Variants in TXNL1 observed in about 807,000 individuals in gnomAD.
TXNL1 encodes thioredoxin like 1.
TXNL1 carries 14 observed loss-of-function variants against 35.5 expected under a neutral mutation model. The ratio of observed to expected loss-of-function variants is 0.39; its 90% CI spans 0.26 to 0.62. The LOEUF (loss-of-function observed/expected upper bound fraction) is 0.62. Ranked by LOEUF, TXNL1 falls within the 20% of genes least tolerant of loss-of-function variation. TXNL1 has a pLI of 0.47. For synonymous variants in TXNL1, 110 were observed against 115.5 expected (o/e 0.95, Z 0.31); for missense variants, 263 against 349.7 (o/e 0.75, Z 1.98).
At position 56,598,667 on chromosome 18, in the gene TXNL1, G is replaced by C. The variant is rs569555113; in HGVS notation, c.*4360C>G. ...AACAAAGAGACAATTAGGAGGCACT[G>C]CAGTATGCCAAGCAAGTAATGATGG... On this transcript the variant is annotated 3_prime_UTR_variant, in exon 8 of 8. Coordinates refer to ENST00000217515, the MANE Select transcript of TXNL1 (RefSeq NM_004786.3). 39 of 152,336 alleles carry C rather than the reference G, an allele frequency of 2.6e-4. No individual in the cohort carries two copies. The highest frequency in any genetic ancestry group is 8.9e-4 in the African/African-American group (37 of 41,556). The allele number at this position is 152,336 out of a possible 1,614,324, so 9.4% of individuals were successfully genotyped here.
chr18:56,633,219 G>A (rs182047824), intron 1 of TXNL1, among the ~76,000 whole-genome samples: 13 of 152,116 alleles, frequency 8.5e-5, no homozygotes, highest in South Asian at 8.3e-4. Context: ...AGGCCGAGGC[G>A]GACGGATCAC....
At chr18:56,606,312 G>A (rs2023892161) in intron 7 of TXNL1, among the ~76,000 whole-genome samples, 1 of 151,150 alleles carries the variant, frequency 6.6e-6, no homozygotes, top group Non-Finnish European at 1.5e-5. Context: ...GGGAGGCAGA[G>A]CTTGCAGTGA....
At position 56,597,698 on chromosome 18, in the gene TXNL1, T is replaced by C. The variant is rs946920212; in HGVS notation, c.*5329A>G. The C allele has an allele frequency of 9.2e-5, 14 of 152,232 alleles. No homozygotes were observed. Among genetic ancestry groups the C allele is most frequent in the Non-Finnish European group, 1.6e-4 (11 of 68,042 alleles). The allele number at this position is 152,232 out of a possible 1,614,324, so 9.4% of individuals were successfully genotyped here. A position where few individuals can be genotyped will look rare whatever the true frequency, so the allele number is the denominator to read the frequency against. ...TATATTCTAAAAATTCCCATTCATA[T>C]ACATATTTCAGTTTTCATCATCTAA... On this transcript the variant is annotated 3_prime_UTR_variant, in exon 8 of 8. Transcript: ENST00000217515.
rs189128493 is a variant in TXNL1, at chr18:56,637,218, T to C, written c.98+1125A>G. Among the ~76,000 whole-genome samples the C allele has an allele frequency of 4.4e-3, 670 of 152,334 alleles. 2 individuals carry two copies. Among genetic ancestry groups the C allele is most frequent in the African/African-American group, 0.015 (618 of 41,566 alleles). On this transcript the variant is annotated intron_variant, in intron 1 of 7. Coordinates refer to ENST00000217515, the MANE Select transcript of TXNL1 (RefSeq NM_004786.3). ...TATAATCCTAATGCCACCATTTATA[T>C]ACTCAACATTTAGTGAACCATCTAG...
intron 2 of TXNL1, among the ~76,000 whole-genome samples, chr18:56,625,312 A>G (rs2024258161): frequency 6.6e-6 from 1 of 152,180 alleles, no homozygotes; most frequent in African/African-American, 2.4e-5. Context: ...TCTATTATCT[A>G]TATTAAAAAA....
At position 56,599,474 on chromosome 18, in the gene TXNL1, CTG is replaced by C. The variant is rs2023783433; in HGVS notation, c.*3551_*3552del. Reference sequence around the variant, plus strand: ...TAAAGCATAATCTATATTTACAAAACTGTAAAATACACACCTCTAATAATGAG... The same window carrying C: ...TAAAGCATAATCTATATTTACAAAACTAAAATACACACCTCTAATAATGAG... On this transcript the variant is annotated 3_prime_UTR_variant, in exon 8 of 8. Coordinates refer to ENST00000217515, the MANE Select transcript of TXNL1 (RefSeq NM_004786.3). The C allele has an allele frequency of 6.6e-6, 1 of 151,974 alleles. No homozygotes were observed. Among genetic ancestry groups the C allele is most frequent in the East Asian group, 1.9e-4 (1 of 5,172 alleles). The allele number at this position is 151,974 out of a possible 1,614,324, so 9.4% of individuals were successfully genotyped here. A position where few individuals can be genotyped will look rare whatever the true frequency, so the allele number is the denominator to read the frequency against.
intron 7 of TXNL1, among the ~76,000 whole-genome samples, chr18:56,605,789 CA>C (rs1415394025): frequency 6.6e-6 from 1 of 152,144 alleles, no homozygotes; most frequent in Non-Finnish European, 1.5e-5. Context: ...GTCTAACCTT[CA>C]AAGTTGTAAT....
rs1414944282 is a variant in TXNL1 at position 56,602,266 on chromosome 18, C to A, written c.*761G>T. The A allele has an allele frequency of 6.6e-6, 1 of 152,046 alleles. No individual in the cohort carries two copies. Among genetic ancestry groups the A allele is most frequent in the Non-Finnish European group, 1.5e-5 (1 of 68,044 alleles). The allele number at this position is 152,046 out of a possible 1,614,324, so 9.4% of individuals were successfully genotyped here. On this transcript the variant is annotated 3_prime_UTR_variant, in exon 8 of 8. Coordinates refer to ENST00000217515, the MANE Select transcript of TXNL1 (RefSeq NM_004786.3). ...CCTCTGGTGATTCGCCCGCCTTGGC[C>A]TCCCAAAGTACTGGGATTACAGACA...
At chr18:56,628,638 T>C (rs1190641615) in intron 1 of TXNL1, among the ~76,000 whole-genome samples, 2 of 152,112 alleles carry the variant, frequency 1.3e-5, no homozygotes, top group Admixed American at 6.6e-5. Context: ...GTATCAGAAA[T>C]CAAGACAATG....
chr18:56,634,819 C>T (rs1225983548), intron 1 of TXNL1, among the ~76,000 whole-genome samples: 1 of 152,078 alleles, frequency 6.6e-6, no homozygotes, highest in Non-Finnish European at 1.5e-5. Flanking sequence ...TGGACTTCAT[C>T]AAAATTTAAA....
intron 1 of TXNL1, among the ~76,000 whole-genome samples, chr18:56,633,371 C>T (rs942556164): frequency 4.0e-5 from 6 of 148,574 alleles, no homozygotes; most frequent in Non-Finnish European, 1.5e-5. Flanking sequence ...GGCGTGAACT[C>T]GGGAGGTGGA....
intron 7 of TXNL1, among the ~76,000 whole-genome samples, chr18:56,604,711 T>C (rs139372497): frequency 0.012 from 1,847 of 152,290 alleles, 15 homozygotes; most frequent in Non-Finnish European, 0.021. Flanking sequence ...TTGAGCTCAC[T>C]TGGGCAAAAG....
intron 2 of TXNL1, 57 bp downstream of exon 2, chr18:56,626,304 T>C (rs1156721844): frequency 1.0e-5 from 16 of 1,568,780 alleles, no homozygotes; most frequent in Non-Finnish European, 1.3e-5. Context: ...ATATTAATGT[T>C]GGATTTCAAA....
chr18:56,610,064 G>C (rs1045366288), intron 7 of TXNL1: 2 of 152,144 alleles, frequency 1.3e-5, no homozygotes, highest in East Asian at 3.9e-4. Flanking sequence ...TGCTCAAGAT[G>C]TTCTCCATCT....
At chr18:56,604,818 T>C (rs1199622015) in intron 7 of TXNL1, among the ~76,000 whole-genome samples, 1 of 152,128 alleles carries the variant, frequency 6.6e-6, no homozygotes, top group Non-Finnish European at 1.5e-5. Context: ...ATGTAATCAA[T>C]ATATTAAACT....
intron 4 of TXNL1, 86 bp downstream of exon 4, chr18:56,617,918 G>C (rs2024116564): frequency 6.7e-7 from 1 of 1,501,040 alleles, no homozygotes; most frequent in South Asian, 1.2e-5. Flanking sequence ...GGGAAGGAGA[G>C]ACGTAAGCCA....
intron 1 of TXNL1, 67 bp from the exon 2 acceptor site, chr18:56,626,524 A>C: frequency 7.4e-7 from 1 of 1,347,790 alleles, no homozygotes; most frequent in South Asian, 1.3e-5. Context: ...TCGTCAATTA[A>C]ACATAAAATA....
chr18:56,625,541 G>T (rs1000141195), intron 2 of TXNL1, among the ~76,000 whole-genome samples: 2 of 152,120 alleles, frequency 1.3e-5, no homozygotes, highest in Admixed American at 1.3e-4. Context: ...TGACAGAACA[G>T]CTCCAGGAGA....
chr18:56,633,601 C>A (rs1411126246), intron 1 of TXNL1, among the ~76,000 whole-genome samples: 1 of 118,322 alleles, frequency 8.5e-6, no homozygotes, highest in African/African-American at 3.4e-5. Flanking sequence ...GCCTGAGCAA[C>A]AGAGCGAGAC....
Sources: gnomAD v4.1 joint callset for allele counts (sites outside exome capture counted in the v4.1 genomes callset) on GRCh38, gnomAD v4.1.1 for gene constraint, MANE v1.5 for transcripts, NCBI Gene and HGNC (gene_info 2026-07-23, HGNC 2026-07-21) for gene names.